The following LRP4 variants were observed in gnomAD, a reference collection of about 807,000 sequenced individuals.
LRP4 encodes LDL receptor related protein 4.
LRP4 carries 95 observed loss-of-function variants against 220.3 expected under a neutral mutation model. The observed-to-expected ratio is 0.43, with a 90% CI of 0.37 to 0.51. LRP4 has a LOEUF of 0.51. Ranked by LOEUF, LRP4 falls within the 20% of genes least tolerant of loss-of-function variation. The pLI, the probability that LRP4 is intolerant of heterozygous loss-of-function variation, is 0.00. For synonymous variants in LRP4, 903 were observed against 954.6 expected, an observed-to-expected ratio of 0.95 and a Z score of 1.00; for missense variants, 1,925 against 2,567.0, an observed-to-expected ratio of 0.75 and a Z score of 5.40.
In LRP4 at chr11:46,858,859, G is replaced by A. The variant is rs1940452334; in HGVS notation, c.*124C>T. On this transcript the variant is annotated 3_prime_UTR_variant, in exon 38 of 38. Coordinates refer to ENST00000378623, the MANE Select transcript of LRP4 (RefSeq NM_002334.4). Reference sequence around the variant, plus strand: ...CAGCTCCGGTGAAGGCTTAGGAACAGTTATGGGGTGGGAGGAGGAGGAGGA... The same window carrying A: ...CAGCTCCGGTGAAGGCTTAGGAACAATTATGGGGTGGGAGGAGGAGGAGGA... 1.1e-6 allele frequency: 1 copy of A among 916,156 alleles called. No individual in the cohort carries two copies. The highest frequency in any genetic ancestry group is 1.6e-5 in the African/African-American group (1 of 61,718). The allele number at this position is 916,156 out of a possible 1,614,324, so 56.8% of individuals were successfully genotyped here.
At chr11:46,917,678 C>T (rs1941969201) in intron 1 of LRP4, among the ~76,000 whole-genome samples, 1 of 152,190 alleles carries the variant, frequency 6.6e-6, no homozygotes, top group African/African-American at 2.4e-5. Flanking sequence ...CAACCACCTC[C>T]CTTTAGGACG....
chr11:46,900,888 G>A (rs1941652820), intron 2 of LRP4, among the ~76,000 whole-genome samples: 1 of 151,850 alleles, frequency 6.6e-6, no homozygotes, highest in African/African-American at 2.4e-5. Flanking sequence ...CTGGGTTCAA[G>A]GAATTCTCAT....
intron 35 of LRP4, 34 bp downstream of exon 35, chr11:46,865,085 T>C: frequency 6.5e-7 from 1 of 1,540,006 alleles, no homozygotes; most frequent in Non-Finnish European, 8.8e-7. Context: ...CATTACATCT[T>C]CTTTTCCGGA....
intron 1 of LRP4, among the ~76,000 whole-genome samples, chr11:46,903,979 G>A (rs767768175): frequency 1.4e-4 from 22 of 152,142 alleles, no homozygotes; most frequent in African/African-American, 3.9e-4. Context: ...CCTCCCCAGC[G>A]TGCCCAGCAG....
At chr11:46,909,308 T>C (rs6485707) in intron 1 of LRP4, among the ~76,000 whole-genome samples, 151,398 of 151,930 alleles carry the variant, frequency 1, 75,435 homozygotes, top group Middle Eastern at 1. Flanking sequence ...AGGATTACAA[T>C]GAGAAAAGGA....
intron 6 of LRP4, 110 bp from the exon 7 acceptor site, chr11:46,898,787 C>G: frequency 1.2e-6 from 2 of 1,600,836 alleles, no homozygotes; most frequent in Non-Finnish European, 1.7e-6. Context: ...CCAAGAGGGA[C>G]CAGAAAATCC....
At chr11:46,917,326 C>A (rs1941961487) in intron 1 of LRP4, among the ~76,000 whole-genome samples, 1 of 152,220 alleles carries the variant, frequency 6.6e-6, no homozygotes, top group Non-Finnish European at 1.5e-5. Flanking sequence ...CGATGAATAG[C>A]GATGGGTGAA....
chr11:46,858,757 T>C lies in LRP4; in HGVS notation c.*226A>G. On this transcript the variant is annotated 3_prime_UTR_variant, in exon 38 of 38. Transcript: ENST00000378623. ...GATGGAGTACAAGATGTGAGGTTCA[T>C]GGTAAAATCCAGGTCTAAATTCTCG... The C allele has an allele frequency of 1.7e-6, 1 of 595,434 alleles. No homozygotes were observed. The highest frequency in any genetic ancestry group is 1.8e-5 in the South Asian group (1 of 54,500). 36.9% of individuals were successfully genotyped at this position (595,434 alleles called of 1,614,324 possible).
Position 46,875,135 on chromosome 11 carries a change from A to G in LRP4, c.3926-32T>C. The G allele has an allele frequency of 6.3e-7, 1 of 1,598,772 alleles. No individual in the cohort carries two copies. The highest frequency in any genetic ancestry group is 8.5e-7 in the Non-Finnish European group (1 of 1,172,534). ...ATGAGAAGCACAAGTATTCACACCT[A>G]GCCTGGAACATCATCTGAATCTTAC... On this transcript the variant is annotated intron_variant, in intron 27 of 37. Coordinates refer to ENST00000378623, the MANE Select transcript of LRP4 (RefSeq NM_002334.4). The surrounding 1 kb of genome is among the most constrained non-coding windows in gnomAD (Gnocchi z 4.5).
At chr11:46,886,293 C>G (rs774286437) in intron 17 of LRP4, 32 bp downstream of exon 17, 2 of 1,595,380 alleles carry the variant, frequency 1.3e-6, no homozygotes, top group Non-Finnish European at 1.7e-6. Context: ...AGGGTGGATT[C>G]CACCCTTCAA....
chr11:46,891,210 C>T (rs1405531342), intron 13 of LRP4, among the ~76,000 whole-genome samples: 1 of 151,976 alleles, frequency 6.6e-6, no homozygotes, highest in East Asian at 1.9e-4. Context: ...ACCTCCTGGA[C>T]CCAAGTGATT....
At chr11:46,879,875 T>C (rs1225848349) in intron 20 of LRP4, among the ~76,000 whole-genome samples, 1 of 152,138 alleles carries the variant, frequency 6.6e-6, no homozygotes, top group Admixed American at 6.5e-5. Flanking sequence ...GAGGTCCAGG[T>C]GGGCAGATCA....
At chr11:46,900,108 T>TCAG in intron 3 of LRP4, 132 bp from the exon 4 acceptor site, 1 of 964,914 alleles carries the variant, frequency 1.0e-6, no homozygotes. Context: ...TGGCTGCCTC[T>TCAG]CAGCAGCTTA....
chr11:46,893,510 G>A (rs1361340810), intron 12 of LRP4, among the ~76,000 whole-genome samples: 2 of 152,216 alleles, frequency 1.3e-5, no homozygotes, highest in African/African-American at 2.4e-5. Flanking sequence ...AGGCATTTGA[G>A]TCCAATGTGC....
intron 1 of LRP4, among the ~76,000 whole-genome samples, chr11:46,905,828 G>T (rs1941750500): frequency 6.6e-6 from 1 of 150,782 alleles, no homozygotes; most frequent in Non-Finnish European, 1.5e-5. Flanking sequence ...CTCCAACCTG[G>T]GCAACAGGAG....
In LRP4 at chr11:46,899,129, G is replaced by A; in HGVS notation, c.548-97C>T. The A allele has an allele frequency of 8.1e-7, 1 of 1,236,172 alleles. No individual in the cohort carries two copies. Among genetic ancestry groups the A allele is most frequent in the East Asian group, 2.4e-5 (1 of 42,432 alleles). The allele number at this position is 1,236,172 out of a possible 1,614,324, so 76.6% of individuals were successfully genotyped here. A position where few individuals can be genotyped will look rare whatever the true frequency, so the allele number is the denominator to read the frequency against. ...AAGCAGGCAGGATGCTCAGGCAGGA[G>A]AGCTTCTTCAAGTGAGATGTAACCA... On this transcript the variant is annotated intron_variant, in intron 5 of 37. Transcript: ENST00000378623. The surrounding 1 kb of genome is among the most constrained non-coding windows in gnomAD (Gnocchi z 5.9).
At chr11:46,869,245 CA>C in intron 31 of LRP4, 113 bp from the exon 32 acceptor site, 1 of 966,968 alleles carries the variant, frequency 1.0e-6, no homozygotes, top group Non-Finnish European at 1.6e-6. Flanking sequence ...ATGCCCTCTT[CA>C]TCTCTTCCTC....
rs1482222652 is a variant in LRP4 at position 46,891,748 on chromosome 11, TGG to T, written c.1697+1223_1697+1224del. Among the ~76,000 whole-genome samples, 21 of 152,202 alleles carry T rather than the reference TGG, an allele frequency of 1.4e-4. No homozygotes were observed. In the East Asian group the frequency reaches 3.7e-3, roughly 27 times the overall value. ...CTCCTACCTCAGCCTCCTGTGTAGTTGGGACTACAGGCATGCATCAATAAGTC... is the reference window on the plus strand; with the variant it reads ...CTCCTACCTCAGCCTCCTGTGTAGTTGACTACAGGCATGCATCAATAAGTC... On this transcript the variant is annotated intron_variant, in intron 13 of 37. Coordinates refer to ENST00000378623, the MANE Select transcript of LRP4 (RefSeq NM_002334.4).
At chr11:46,905,076 C>A (rs1941738067) in intron 1 of LRP4, among the ~76,000 whole-genome samples, 1 of 151,508 alleles carries the variant, frequency 6.6e-6, no homozygotes, top group Admixed American at 6.6e-5. Flanking sequence ...CACAGGAAGG[C>A]CTTGCTCCAA....
Sources: gnomAD v4.1 joint callset for allele counts (sites outside exome capture counted in the v4.1 genomes callset) on GRCh38, gnomAD v4.1.1 for gene constraint, Gnocchi (gnomAD v3.1) non-coding constraint, MANE v1.5 for transcripts, NCBI Gene and HGNC (gene_info 2026-07-23, HGNC 2026-07-21) for gene names.